Variants in CNNM1 observed in about 807,000 individuals in gnomAD.
CNNM1 encodes cyclin and CBS domain divalent metal cation transport mediator 1.
In CNNM1, 44 loss-of-function variants were observed where a neutral mutation model predicts 78.8. The ratio of observed to expected loss-of-function variants is 0.56; its 90% CI spans 0.44 to 0.72. CNNM1 has a LOEUF of 0.72. Among genes scored for constraint, CNNM1 ranks in the 30% least tolerant of loss-of-function variants. The pLI is 0.00. For missense variants in CNNM1, 1,101 were observed against 1,292.2 expected (o/e 0.85, Z 2.27); for synonymous variants, 584 against 581.5 (o/e 1.00, Z -0.06).
At position 99,330,367 on chromosome 10, in the gene CNNM1, C is replaced by A; in HGVS notation, c.980C>A (p.Pro327Gln). Residue 327 changes from proline (P) to glutamine (Q), a missense_variant, in exon 1 of 11, where the codon CCG (proline) becomes CAG (glutamine). Physicochemically the swap from Pro to Gln is moderately conservative, Grantham distance 76 (BLOSUM62 -1). Transcript: ENST00000356713. ...SEEGIHFPWL[P>Q]ALVCTGAVFL... ...GAGGGGATCCACTTCCCGTGGCTGCCGGCGCTCGTGTGCACCGGCGCGGTA... is the reference window on the plus strand; with the variant it reads ...GAGGGGATCCACTTCCCGTGGCTGCAGGCGCTCGTGTGCACCGGCGCGGTA... The A allele has an allele frequency of 1.3e-6, 2 of 1,598,422 alleles. No homozygotes were observed. Among genetic ancestry groups the A allele is most frequent in the Non-Finnish European group, 8.5e-7 (1 of 1,173,764 alleles).
intron 2 of CNNM1, among the ~76,000 whole-genome samples, 196 bp downstream of exon 2, chr10:99,357,851 G>C (rs1252528799): frequency 6.6e-6 from 1 of 152,148 alleles, no homozygotes; most frequent in African/African-American, 2.4e-5. Flanking sequence ...GAACATGCTA[G>C]CTAAGTGTTT....
At position 99,393,715 on chromosome 10, in the gene CNNM1, G is replaced by A. The variant is rs1230604119; in HGVS notation, c.*2199G>A. The A allele has an allele frequency of 1.3e-5, 2 of 151,838 alleles. No homozygotes were observed. Among genetic ancestry groups the A allele is most frequent in the Admixed American group, 6.6e-5 (1 of 15,234 alleles). 9.4% of individuals were successfully genotyped at this position (151,838 alleles called of 1,614,324 possible). A position where few individuals can be genotyped will look rare whatever the true frequency, so the allele number is the denominator to read the frequency against. ...CCTCAGAAATTCTCGGCACACCCTA[G>A]AGTATTGTACAACCAACACCCCCAC... On this transcript the variant is annotated 3_prime_UTR_variant, in exon 11 of 11. Transcript: ENST00000356713.
chr10:99,393,442 A>G lies in CNNM1; in HGVS notation c.*1926A>G, dbSNP rs1294582302. Reference sequence around the variant, plus strand: ...CAGTATTTAATGTATTTATTCTTGTATGTTTTTTCCAGAGCATTAAAGCTT... The same window carrying G: ...CAGTATTTAATGTATTTATTCTTGTGTGTTTTTTCCAGAGCATTAAAGCTT... On this transcript the variant is annotated 3_prime_UTR_variant, in exon 11 of 11. Transcript: ENST00000356713. 2.6e-5 allele frequency: 4 copies of G among 152,470 alleles called. No individual in the cohort carries two copies. The highest frequency in any genetic ancestry group is 7.2e-5 in the African/African-American group (3 of 41,438). The allele number at this position is 152,470 out of a possible 1,614,324, so 9.4% of individuals were successfully genotyped here.
rs2032372296 is a variant in CNNM1, at chr10:99,388,355, A to C, written c.2674+54A>C. On this transcript the variant is annotated intron_variant, in intron 9 of 10. Coordinates refer to ENST00000356713, the MANE Select transcript of CNNM1 (RefSeq NM_020348.3). Reference sequence around the variant, plus strand: ...GCAAGGGAGATCATTGCCTTTGGGCACTGGGATGGCCCAGGGAAAGCTGGC... The same window carrying C: ...GCAAGGGAGATCATTGCCTTTGGGCCCTGGGATGGCCCAGGGAAAGCTGGC... 6 of 1,576,570 alleles carry C rather than the reference A, an allele frequency of 3.8e-6. No homozygotes were observed. In the Admixed American group the frequency reaches 1.1e-4, roughly 28 times the overall value.
rs747571350 is a variant in CNNM1, at chr10:99,362,274, C to T, written c.1906C>T (p.Arg636Trp). ...GTACCTTTCGGAGAAGATCCTGCTC[C>T]GGCTCCTGAAACATCCCAACGTGAT... ...SLYLSEKILLRLLKHPNVIQE... is the reference protein window; with the variant it reads ...SLYLSEKILLWLLKHPNVIQE... The change falls in exon 4 of 11, where the codon CGG becomes TGG. Residue 636 changes from arginine (R) to tryptophan (W), a missense_variant. Transcript: ENST00000356713. 9 of 1,613,716 alleles carry T rather than the reference C, an allele frequency of 5.6e-6. No individual in the cohort carries two copies. The highest frequency in any genetic ancestry group is 5.0e-5 in the Admixed American group (3 of 59,996).
chr10:99,342,366 G>A (rs2001285), intron 1 of CNNM1, among the ~76,000 whole-genome samples: 58,805 of 152,012 alleles, frequency 0.39, 15,537 homozygotes, highest in African/African-American at 0.76. Flanking sequence ...CTTAGATTCT[G>A]GTGACGAACA....
Position 99,357,417 on chromosome 10 carries a change from G to A in CNNM1, c.1574-95G>A, listed in dbSNP as rs139347318. The A allele has an allele frequency of 9.7e-5, 126 of 1,303,938 alleles. No homozygotes were observed. In the African/African-American group the frequency reaches 1.7e-3, roughly 17 times the overall value. The allele number at this position is 1,303,938 out of a possible 1,614,324, so 80.8% of individuals were successfully genotyped here. On this transcript the variant is annotated intron_variant, in intron 1 of 10. Coordinates refer to ENST00000356713, the MANE Select transcript of CNNM1 (RefSeq NM_020348.3). ...GGTCCAGGGATGAGTGCAATCCTGA[G>A]ATTGGTCAGACAGCAACTTTGTATC...
At chr10:99,368,494 A>C (rs2031694842) in intron 6 of CNNM1, 1 of 438,214 alleles carries the variant, frequency 2.3e-6, no homozygotes, top group Admixed American at 3.1e-5. Flanking sequence ...CTTTTTGCAG[A>C]GAAATGTGAT....
At chr10:99,360,323 G>A (rs1216208414) in intron 2 of CNNM1, among the ~76,000 whole-genome samples, 1 of 152,130 alleles carries the variant, frequency 6.6e-6, no homozygotes, top group East Asian at 1.9e-4. Context: ...CCAGTTCAGG[G>A]CAAAGGAGGG....
chr10:99,342,527 T>C (rs1319658607), intron 1 of CNNM1, among the ~76,000 whole-genome samples: 1 of 152,222 alleles, frequency 6.6e-6, no homozygotes, highest in Admixed American at 6.5e-5. Flanking sequence ...ATAATTACTA[T>C]AAAGTACAGC....
intron 6 of CNNM1, among the ~76,000 whole-genome samples, chr10:99,369,462 C>T (rs552235252): frequency 9.2e-5 from 14 of 152,226 alleles, no homozygotes; most frequent in Admixed American, 2.0e-4. Context: ...ATACTAAGAC[C>T]CCACCATATC....
At chr10:99,383,751 G>A (rs1387010673) in intron 7 of CNNM1, among the ~76,000 whole-genome samples, 1 of 152,184 alleles carries the variant, frequency 6.6e-6, no homozygotes, top group African/African-American at 2.4e-5. Flanking sequence ...CTGTCCTGGT[G>A]AGTAGTGGGA....
intron 1 of CNNM1, among the ~76,000 whole-genome samples, chr10:99,346,557 TTTCA>T (rs1331717784): frequency 6.6e-6 from 1 of 152,204 alleles, no homozygotes; most frequent in Admixed American, 6.5e-5. Flanking sequence ...CCCTCGATTA[TTTCA>T]TTCATTCTCC....
chr10:99,335,451 C>T (rs2030131475), intron 1 of CNNM1, among the ~76,000 whole-genome samples: 1 of 152,218 alleles, frequency 6.6e-6, no homozygotes, highest in African/African-American at 2.4e-5. Flanking sequence ...TAGTGACCGC[C>T]ATGGCTAGGG....
At chr10:99,364,593 C>G in intron 5 of CNNM1, 77 bp downstream of exon 5, 1 of 1,157,326 alleles carries the variant, frequency 8.6e-7, no homozygotes. Flanking sequence ...AGTCTTGACT[C>G]CCCCTTTGAC....
intron 1 of CNNM1, among the ~76,000 whole-genome samples, chr10:99,340,831 T>TTCTTTC (rs1355394009): frequency 7.5e-5 from 11 of 147,078 alleles, no homozygotes; most frequent in African/African-American, 1.0e-4. Flanking sequence ...TTCTTTTCTT[T>TTCTTTC]TCTTTCTCTT....
Position 99,358,344 on chromosome 10 carries a change from T to G in CNNM1, c.1717+689T>G, listed in dbSNP as rs2031294591. On this transcript the variant is annotated intron_variant, in intron 2 of 10. Transcript: ENST00000356713. The stretch of plus-strand genomic sequence containing the variant: ...TACTGAACCTTATCAAAGCTTTGCT[T>G]GCAAACATTACAAAGGCATGCTTTG... Among the ~76,000 whole-genome samples the G allele has an allele frequency of 5.3e-5, 8 of 152,346 alleles. No homozygotes were observed. In the South Asian group the frequency reaches 1.7e-3, roughly 32 times the overall value.
intron 1 of CNNM1, among the ~76,000 whole-genome samples, chr10:99,355,681 CA>C (rs2031117348): frequency 6.6e-6 from 1 of 152,212 alleles, no homozygotes; most frequent in African/African-American, 2.4e-5. Context: ...ACCTGGTTTG[CA>C]ATCCAGCTTT....
chr10:99,389,651 C>T (rs182418061), intron 9 of CNNM1, among the ~76,000 whole-genome samples: 44 of 152,256 alleles, frequency 2.9e-4, no homozygotes, highest in Non-Finnish European at 5.1e-4. Context: ...CTAGTCCACC[C>T]TCGTCCTGTG....
Sources: allele counts gnomAD v4.1 joint callset (sites outside exome capture counted in the v4.1 genomes callset), GRCh38; gene constraint gnomAD v4.1.1; transcripts MANE v1.5; gene names NCBI Gene and HGNC (gene_info 2026-07-23, HGNC 2026-07-21).